H2BN1: variants seen among roughly 807,000 people sequenced by gnomAD.
The protein encoded by H2BN1 is histone H2B.N.
chr17:32,897,596 A>G, the H2BN1 span, among the ~76,000 whole-genome samples: 1 of 152,224 alleles, frequency 6.6e-6, no homozygotes, highest in South Asian at 2.1e-4. Flanking sequence ...GAGAGTGCCA[A>G]TGTTCTCAGT....
chr17:32,905,261 G>T, the H2BN1 span, among the ~76,000 whole-genome samples: 5 of 152,304 alleles, frequency 3.3e-5, no homozygotes, highest in South Asian at 1.0e-3. Context: ...AAAGAGGGAG[G>T]AGTTGTACAG....
At chr17:32,904,140 C>T in the H2BN1 span, among the ~76,000 whole-genome samples, 1 of 152,188 alleles carries the variant, frequency 6.6e-6, no homozygotes, top group Non-Finnish European at 1.5e-5. Context: ...ACCCCCCAGA[C>T]ACTCCCACAA....
chr17:32,906,554 A>G, the H2BN1 span: 1 of 152,218 alleles, frequency 6.6e-6, no homozygotes, highest in South Asian at 2.1e-4. Flanking sequence ...TACTTCGTGA[A>G]CATAATAAAG....
the H2BN1 span, among the ~76,000 whole-genome samples, chr17:32,901,025 T>A: frequency 6.6e-6 from 1 of 152,044 alleles, no homozygotes; most frequent in Non-Finnish European, 1.5e-5. Context: ...CTGGCCAACA[T>A]GGTGAAACCC....
chr17:32,896,083 T>G, the H2BN1 span, among the ~76,000 whole-genome samples: 1 of 152,004 alleles, frequency 6.6e-6, no homozygotes, highest in African/African-American at 2.4e-5. Flanking sequence ...TCTGTTTTAG[T>G]GGGTTTTTAT....
At chr17:32,901,177 A>G in the H2BN1 span, among the ~76,000 whole-genome samples, 17 of 152,292 alleles carry the variant, frequency 1.1e-4, no homozygotes, top group East Asian at 3.3e-3. Flanking sequence ...ACTGCACTCC[A>G]GCCTGGGTGA....
At chr17:32,897,307 C>G in the H2BN1 span, among the ~76,000 whole-genome samples, 3 of 151,688 alleles carry the variant, frequency 2.0e-5, no homozygotes, top group Admixed American at 6.6e-5. Context: ...CTCCCTCTCC[C>G]TCTCATCCCC....
chr17:32,900,620 C>T, the H2BN1 span, among the ~76,000 whole-genome samples: 2 of 151,488 alleles, frequency 1.3e-5, no homozygotes, highest in African/African-American at 2.4e-5. Context: ...CTTGCTCTGT[C>T]GCCCAGGATG....
At chr17:32,896,097 T>G in the H2BN1 span, among the ~76,000 whole-genome samples, 1 of 152,100 alleles carries the variant, frequency 6.6e-6, no homozygotes, top group African/African-American at 2.4e-5. Flanking sequence ...TTTTTATTTT[T>G]TTTAGATAGG....
At chr17:32,897,391 ACACAG>A in the H2BN1 span, among the ~76,000 whole-genome samples, 2 of 148,530 alleles carry the variant, frequency 1.3e-5, no homozygotes, top group South Asian at 4.3e-4. Context: ...ACACACACAC[ACACAG>A]CAACAAGAAG....
the H2BN1 span, among the ~76,000 whole-genome samples, chr17:32,898,062 T>G: frequency 2.6e-5 from 4 of 152,334 alleles, no homozygotes; most frequent in East Asian, 7.7e-4. Context: ...CGTCCCTCTC[T>G]TCTTTCTCAT....
the H2BN1 span, among the ~76,000 whole-genome samples, chr17:32,895,619 A>G: frequency 6.6e-6 from 1 of 152,038 alleles, no homozygotes; most frequent in Non-Finnish European, 1.5e-5. Flanking sequence ...GAGTTGGTGC[A>G]CTCTTTGTAG....
chr17:32,906,179 T>C, the H2BN1 span: 7 of 152,182 alleles, frequency 4.6e-5, no homozygotes, highest in Admixed American at 2.6e-4. Context: ...CTCTGTGCCA[T>C]TTCTCCCCTA....
chr17:32,903,842 G>C, the H2BN1 span, among the ~76,000 whole-genome samples: 2 of 152,274 alleles, frequency 1.3e-5, no homozygotes, highest in East Asian at 3.9e-4. Flanking sequence ...CTCCTCATTA[G>C]ATTATGTCTC....
the H2BN1 span, among the ~76,000 whole-genome samples, chr17:32,904,452 C>G: frequency 6.6e-6 from 1 of 152,204 alleles, no homozygotes; most frequent in Admixed American, 6.5e-5. Context: ...TACTTTGTAG[C>G]TCTCATCCAC....
chr17:32,902,028 C>T, the H2BN1 span, among the ~76,000 whole-genome samples: 1 of 151,802 alleles, frequency 6.6e-6, no homozygotes, highest in Non-Finnish European at 1.5e-5. Flanking sequence ...GAACATCCCT[C>T]TTTCTTAAAC....
chr17:32,903,231 G>A, the H2BN1 span, among the ~76,000 whole-genome samples: 3 of 151,444 alleles, frequency 2.0e-5, no homozygotes, highest in African/African-American at 7.3e-5. Flanking sequence ...ATACATAGAT[G>A]TATTAGGCAT....
the H2BN1 span, among the ~76,000 whole-genome samples, chr17:32,901,184 G>A: frequency 1.3e-5 from 2 of 152,030 alleles, no homozygotes; most frequent in Non-Finnish European, 2.9e-5. Flanking sequence ...TCCAGCCTGG[G>A]TGATAGAGTG....
chr17:32,901,428 A>T, the H2BN1 span, among the ~76,000 whole-genome samples: 1 of 152,184 alleles, frequency 6.6e-6, no homozygotes, highest in East Asian at 1.9e-4. Context: ...AAAATCTCAC[A>T]TATTCACCTC....
Sources: gnomAD v4.1 joint callset for allele counts (sites outside exome capture counted in the v4.1 genomes callset) on GRCh38, gnomAD v4.1.1 for gene constraint, MANE v1.5 for transcripts, NCBI Gene and HGNC (gene_info 2026-07-23, HGNC 2026-07-21) for gene names.